The following PIP5K1B variants were observed in gnomAD, a reference collection of about 807,000 sequenced individuals.
PIP5K1B encodes the protein phosphatidylinositol 4-phosphate 5-kinase type-1 beta.
In PIP5K1B, 42 loss-of-function variants were observed where a neutral mutation model predicts 67.0. That is an observed-to-expected ratio of 0.63 (90% CI 0.49 to 0.81). The LOEUF (loss-of-function observed/expected upper bound fraction) is 0.81. Ranked by LOEUF, PIP5K1B falls within the 30% of genes least tolerant of loss-of-function variation. The probability of loss-of-function intolerance (pLI) is 0.00; values close to 1 mark genes in which losing one functional copy is unlikely to be tolerated. For synonymous variants in PIP5K1B, 214 were observed against 231.4 expected (o/e 0.92, Z 0.68); for missense variants, 459 against 646.3 (o/e 0.71, Z 3.14).
chr9:68,807,659 G>A (rs1346856346), intron 2 of PIP5K1B, among the ~76,000 whole-genome samples: 1 of 152,112 alleles, frequency 6.6e-6, no homozygotes, highest in Non-Finnish European at 1.5e-5. Context: ...AGACTTGTTT[G>A]TTTGTTTCTG....
intron 1 of PIP5K1B, among the ~76,000 whole-genome samples, chr9:68,726,706 T>C (rs1452236043): frequency 6.6e-6 from 1 of 152,214 alleles, no homozygotes; most frequent in East Asian, 1.9e-4. Flanking sequence ...CAAGATAAGC[T>C]ATAGCTGTTA....
chr9:68,821,996 A>G (rs939314958), intron 3 of PIP5K1B, among the ~76,000 whole-genome samples: 9 of 152,238 alleles, frequency 5.9e-5, no homozygotes, highest in African/African-American at 1.9e-4. Flanking sequence ...GTTTTTTCAT[A>G]TGAAAATACA....
intron 14 of PIP5K1B, chr9:68,941,250 C>T (rs1490425222): frequency 2.7e-6 from 1 of 372,814 alleles, no homozygotes; most frequent in East Asian, 7.4e-5. Context: ...AATATGTTAC[C>T]TTATATGGCA....
At chr9:68,819,203 G>A (rs922328633) in intron 3 of PIP5K1B, among the ~76,000 whole-genome samples, 3 of 152,144 alleles carry the variant, frequency 2.0e-5, no homozygotes, top group Admixed American at 6.5e-5. Flanking sequence ...TGGTATCTGC[G>A]GGAGATTGAT....
At chr9:68,888,197 C>G (rs1435506282) in intron 6 of PIP5K1B, among the ~76,000 whole-genome samples, 1 of 152,148 alleles carries the variant, frequency 6.6e-6, no homozygotes, top group Non-Finnish European at 1.5e-5. Flanking sequence ...CCAGGATGGT[C>G]TCGATCTCCT....
intron 2 of PIP5K1B, among the ~76,000 whole-genome samples, chr9:68,796,714 A>G (rs931492356): frequency 1.3e-5 from 2 of 152,170 alleles, no homozygotes; most frequent in East Asian, 3.9e-4. Flanking sequence ...CCATTGTGTC[A>G]TTTGAATGAA....
Position 68,955,751 on chromosome 9 carries a change from T to C in PIP5K1B, c.1502+14961T>C, listed in dbSNP as rs541889738. On this transcript the variant is annotated intron_variant, in intron 14 of 15. Coordinates refer to ENST00000265382, the MANE Select transcript of PIP5K1B (RefSeq NM_003558.4). ...TTTATAGCACTTTTATAGTAATATT[T>C]ATGTAGTATTTTACTGTATCCATAT... 4.6e-5 allele frequency among the ~76,000 whole-genome samples: 7 copies of C among 152,340 alleles called. No homozygotes were observed. The East Asian group carries it at 1.3e-3, about 29-fold the overall frequency.
chr9:68,859,477 TG>T (rs1410709902), intron 4 of PIP5K1B, among the ~76,000 whole-genome samples: 3 of 152,214 alleles, frequency 2.0e-5, no homozygotes, highest in African/African-American at 7.2e-5. Context: ...CTCTGTTTGC[TG>T]TGTTCTGAAA....
At chr9:68,987,475 TCA>T (rs1830142638) in intron 14 of PIP5K1B, among the ~76,000 whole-genome samples, 1 of 151,988 alleles carries the variant, frequency 6.6e-6, no homozygotes, top group Non-Finnish European at 1.5e-5. Context: ...GGCAGGAGAA[TCA>T]CTTGAACCTG....
At position 68,731,961 on chromosome 9, in the gene PIP5K1B, G is replaced by A. The variant is rs540183404; in HGVS notation, c.-242-10540G>A. 7.2e-5 allele frequency among the ~76,000 whole-genome samples: 11 copies of A among 152,222 alleles called. No homozygotes were observed. The South Asian group carries it at 2.3e-3, about 32-fold the overall frequency. On this transcript the variant is annotated intron_variant, in intron 1 of 15. Coordinates refer to ENST00000265382, the MANE Select transcript of PIP5K1B (RefSeq NM_003558.4). The stretch of plus-strand genomic sequence containing the variant: ...CAACCCTTTTTTAATGTTTGTGGAA[G>A]GAGGTGTGGGAAGTAATGGCGTTGA...
intron 14 of PIP5K1B, among the ~76,000 whole-genome samples, chr9:68,953,117 T>C (rs972769918): frequency 2.6e-5 from 4 of 152,152 alleles, no homozygotes; most frequent in Non-Finnish European, 2.9e-5. Flanking sequence ...CAGAATATCC[T>C]GGATTTGTCT....
chr9:68,724,681 T>G (rs997900907), intron 1 of PIP5K1B, among the ~76,000 whole-genome samples: 1 of 152,132 alleles, frequency 6.6e-6, no homozygotes, highest in Non-Finnish European at 1.5e-5. Flanking sequence ...TTTTTTTTTG[T>G]AGTTATTGTA....
At chr9:68,810,062 A>G (rs1833080695) in intron 2 of PIP5K1B, among the ~76,000 whole-genome samples, 1 of 152,248 alleles carries the variant, frequency 6.6e-6, no homozygotes. Flanking sequence ...AAAATGATTG[A>G]CTTTAACATG....
At chr9:68,823,293 A>G (rs541370235) in intron 4 of PIP5K1B, among the ~76,000 whole-genome samples, 1 of 152,292 alleles carries the variant, frequency 6.6e-6, no homozygotes, top group South Asian at 2.1e-4. Context: ...ACCATAATAT[A>G]GAATATTGAG....
At chr9:68,814,041 A>G (rs1250723653) in intron 2 of PIP5K1B, among the ~76,000 whole-genome samples, 2 of 152,188 alleles carry the variant, frequency 1.3e-5, no homozygotes, top group Non-Finnish European at 1.5e-5. Context: ...AGACACACAA[A>G]GCCTGGGCCA....
At chr9:68,817,631 A>G (rs907149415) in intron 2 of PIP5K1B, among the ~76,000 whole-genome samples, 6 of 152,108 alleles carry the variant, frequency 3.9e-5, no homozygotes, top group Non-Finnish European at 7.4e-5. Context: ...GTGAAAAAGC[A>G]TAGGGAAGAT....
chr9:68,835,393 A>G (rs1383816062), intron 4 of PIP5K1B, among the ~76,000 whole-genome samples: 1 of 152,250 alleles, frequency 6.6e-6, no homozygotes, highest in Non-Finnish European at 1.5e-5. Flanking sequence ...GTGCAAGACA[A>G]TGGCTGAGCA....
chr9:68,991,388 C>A, intron 15 of PIP5K1B, 131 bp downstream of exon 15: 2 of 618,572 alleles, frequency 3.2e-6, no homozygotes, highest in South Asian at 2.0e-5. Flanking sequence ...CGCCCTTTCA[C>A]TTCTGCAAAT....
chr9:68,708,702 GTC>G (rs1426462443), intron 1 of PIP5K1B, among the ~76,000 whole-genome samples: 3 of 152,156 alleles, frequency 2.0e-5, no homozygotes, highest in African/African-American at 7.2e-5. Flanking sequence ...TGCTAATACT[GTC>G]TCGTGGTTTC....
Sources: allele counts gnomAD v4.1 joint callset (sites outside exome capture counted in the v4.1 genomes callset), GRCh38; gene constraint gnomAD v4.1.1; transcripts MANE v1.5; gene names NCBI Gene and HGNC (gene_info 2026-07-23, HGNC 2026-07-21).